The following MEIKIN variants were observed in gnomAD, a reference collection of about 807,000 sequenced individuals.
MEIKIN encodes the protein meiotic kinetochore factor, also known as meiosis-specific kinetochore protein.
chr5:131,860,910 C>T (rs528598449), intron 9 of MEIKIN, among the ~76,000 whole-genome samples: 2 of 151,148 alleles, frequency 1.3e-5, no homozygotes, highest in East Asian at 4.0e-4. Flanking sequence ...TACAGGCATG[C>T]ACCACCATGC....
chr5:131,877,247 A>T (rs897500788), intron 9 of MEIKIN, among the ~76,000 whole-genome samples: 3 of 152,158 alleles, frequency 2.0e-5, no homozygotes, highest in African/African-American at 7.2e-5. Flanking sequence ...GAAACTAACT[A>T]CTAACCTGCC....
At chr5:131,831,086 C>T (rs1400833466) in intron 11 of MEIKIN, among the ~76,000 whole-genome samples, 1 of 152,122 alleles carries the variant, frequency 6.6e-6, no homozygotes, top group Non-Finnish European at 1.5e-5. Context: ...TTAGAAGAGA[C>T]AAGGTTTCGC....
At chr5:131,851,088 T>C (rs529307495) in intron 11 of MEIKIN, among the ~76,000 whole-genome samples, 176 bp downstream of exon 11, 1 of 152,328 alleles carries the variant, frequency 6.6e-6, no homozygotes, top group East Asian at 1.9e-4. Flanking sequence ...TATACAATTT[T>C]GTGCATCAAA....
chr5:131,830,229 TA>T (rs377310057), intron 11 of MEIKIN, among the ~76,000 whole-genome samples: 15 of 147,242 alleles, frequency 1.0e-4, no homozygotes, highest in African/African-American at 7.5e-5. Flanking sequence ...ATCTCTACAA[TA>T]AAAAAAAAAT....
intron 9 of MEIKIN, among the ~76,000 whole-genome samples, chr5:131,878,338 CG>C (rs1750649449): frequency 6.6e-6 from 1 of 152,102 alleles, no homozygotes. Context: ...GAGGCCGAGG[CG>C]GGCGGATCAC....
chr5:131,812,400 A>G (rs1314950235), intron 12 of MEIKIN, among the ~76,000 whole-genome samples: 2 of 152,188 alleles, frequency 1.3e-5, no homozygotes, highest in Non-Finnish European at 2.9e-5. Flanking sequence ...TGACACATAT[A>G]TACATTACAG....
At chr5:131,847,254 T>A (rs1750037120) in intron 11 of MEIKIN, among the ~76,000 whole-genome samples, 1 of 152,022 alleles carries the variant, frequency 6.6e-6, no homozygotes, top group Admixed American at 6.6e-5. Flanking sequence ...ATAGAAAAAC[T>A]GGGATTGGCA....
At chr5:131,942,491 T>C (rs1751888662) in intron 4 of MEIKIN, 144 bp downstream of exon 4, 1 of 385,710 alleles carries the variant, frequency 2.6e-6, no homozygotes, top group African/African-American at 2.1e-5. Context: ...GGATGAGATC[T>C]ATAGCACAGT....
chr5:131,878,166 T>A (rs1016615302), intron 9 of MEIKIN, among the ~76,000 whole-genome samples: 1 of 152,218 alleles, frequency 6.6e-6, no homozygotes, highest in Non-Finnish European at 1.5e-5. Context: ...ATAGAGTATA[T>A]ACTCATTTAT....
At chr5:131,935,328 C>T (rs980300864) in intron 4 of MEIKIN, among the ~76,000 whole-genome samples, 4 of 141,068 alleles carry the variant, frequency 2.8e-5, no homozygotes, top group Admixed American at 1.4e-4. Flanking sequence ...ACTATGAAAA[C>T]TCAATAATAA....
chr5:131,918,679 C>T (rs533425059), intron 6 of MEIKIN, among the ~76,000 whole-genome samples: 16 of 152,302 alleles, frequency 1.1e-4, no homozygotes, highest in African/African-American at 3.6e-4. Flanking sequence ...TCTCAGCCTC[C>T]CTGGTGGTAG....
At chr5:131,814,187 C>G (rs373119906) in intron 12 of MEIKIN, among the ~76,000 whole-genome samples, 12 of 151,794 alleles carry the variant, frequency 7.9e-5, no homozygotes, top group East Asian at 5.8e-4. Flanking sequence ...CACACAGGAA[C>G]AATACTTTGC....
chr5:131,926,005 T>A (rs937737917), intron 5 of MEIKIN, among the ~76,000 whole-genome samples: 7 of 152,190 alleles, frequency 4.6e-5, no homozygotes, highest in African/African-American at 1.2e-4. Context: ...TAAGATCATG[T>A]CATCTGCAAA....
In MEIKIN at chr5:131,889,194, G is replaced by A. The variant is rs186697291; in HGVS notation, c.704-10146C>T. 8.5e-5 allele frequency among the ~76,000 whole-genome samples: 13 copies of A among 152,278 alleles called. No homozygotes were observed. The South Asian group carries it at 2.5e-3, about 29-fold the overall frequency. The stretch of plus-strand genomic sequence containing the variant: ...GCTTAGGATTGACTTGGCAATGCAG[G>A]CTCTTTTTTGGTTCCATATGAACTT... On this transcript the variant is annotated intron_variant, in intron 8 of 12. Coordinates refer to ENST00000442687, the MANE Select transcript of MEIKIN (RefSeq NM_001303622.2).
intron 11 of MEIKIN, among the ~76,000 whole-genome samples, chr5:131,836,088 T>G (rs1749801498): frequency 6.6e-6 from 1 of 152,168 alleles, no homozygotes; most frequent in Admixed American, 6.5e-5. Context: ...GTTGTTCCCC[T>G]GTATATGTCC....
chr5:131,872,473 G>A (rs1750523058), intron 9 of MEIKIN, among the ~76,000 whole-genome samples: 1 of 152,096 alleles, frequency 6.6e-6, no homozygotes, highest in East Asian at 1.9e-4. Context: ...AAATGAACAA[G>A]GCTTCCAAGA....
At chr5:131,925,478 T>A (rs1751572567) in intron 5 of MEIKIN, among the ~76,000 whole-genome samples, 2 of 152,184 alleles carry the variant, frequency 1.3e-5, no homozygotes, top group African/African-American at 4.8e-5. Context: ...AGCATACATA[T>A]CTTCTACTTC....
chr5:131,895,221 C>T (rs1313024627), intron 8 of MEIKIN, among the ~76,000 whole-genome samples: 1 of 152,194 alleles, frequency 6.6e-6, no homozygotes, highest in Non-Finnish European at 1.5e-5. Flanking sequence ...ACCAGCCTTG[C>T]ATTTCAGGGA....
intron 8 of MEIKIN, among the ~76,000 whole-genome samples, chr5:131,896,775 C>G (rs549696685): frequency 2.0e-5 from 3 of 152,246 alleles, no homozygotes; most frequent in South Asian, 2.1e-4. Context: ...CTATGTGTTT[C>G]TCTGCACATG....
Sources: gnomAD v4.1 joint callset for allele counts (sites outside exome capture counted in the v4.1 genomes callset) on GRCh38, gnomAD v4.1.1 for gene constraint, MANE v1.5 for transcripts, NCBI Gene and HGNC (gene_info 2026-07-23, HGNC 2026-07-21) for gene names.